Variants in CDH18 observed in about 807,000 individuals in gnomAD.
CDH18 encodes cadherin 18.
In CDH18, 31 loss-of-function variants were observed where a neutral mutation model predicts 67.9. That is an observed-to-expected ratio of 0.46 (90% confidence interval 0.34 to 0.62). CDH18 has a LOEUF of 0.62. Ranked by LOEUF, CDH18 falls within the 20% of genes least tolerant of loss-of-function variation. The probability of loss-of-function intolerance (pLI) is 0.01; values close to 1 mark genes in which losing one functional copy is unlikely to be tolerated. For missense variants in CDH18, 890 were observed against 975.5 expected (o/e 0.91, Z 1.17); for synonymous variants, 362 against 347.2 (o/e 1.04, Z -0.48).
chr5:20,201,800 C>A (rs1449715005), intron 2 of CDH18, among the ~76,000 whole-genome samples: 1 of 152,004 alleles, frequency 6.6e-6, no homozygotes, highest in East Asian at 1.9e-4. Flanking sequence ...AAGCACATTC[C>A]ATAGAAGAGA....
intron 1 of CDH18, among the ~76,000 whole-genome samples, chr5:20,407,356 T>A (rs1285899060): frequency 1.3e-5 from 2 of 151,994 alleles, no homozygotes; most frequent in African/African-American, 4.8e-5. Flanking sequence ...AAAAAGACAG[T>A]GGTTTAGGGT....
At chr5:19,910,440 T>C (rs934415184) in intron 2 of CDH18, among the ~76,000 whole-genome samples, 7 of 152,174 alleles carry the variant, frequency 4.6e-5, no homozygotes, top group African/African-American at 1.7e-4. Flanking sequence ...ATTTAGCTGC[T>C]TTTCCTATTT....
chr5:19,593,712 T>TTCTTCC (rs1561425979), intron 6 of CDH18, among the ~76,000 whole-genome samples: 1 of 104,968 alleles, frequency 9.5e-6, no homozygotes, highest in African/African-American at 4.6e-5. Flanking sequence ...CTCCTCCTTC[T>TTCTTCC]TCTTCTTCTT....
intron 1 of CDH18, among the ~76,000 whole-genome samples, chr5:20,437,334 C>T (rs1749247736): frequency 6.6e-6 from 1 of 151,092 alleles, no homozygotes; most frequent in South Asian, 2.1e-4. Context: ...AAAATAGACT[C>T]TTGCTTTAAA....
At chr5:19,571,555 C>T in intron 8 of CDH18, 24 bp downstream of exon 8, 1 of 1,598,942 alleles carries the variant, frequency 6.3e-7, no homozygotes, top group Non-Finnish European at 8.5e-7. Context: ...CTTTCTATGT[C>T]TAAACGATTG....
At chr5:19,605,407 G>A (rs1747871339) in intron 6 of CDH18, among the ~76,000 whole-genome samples, 1 of 151,636 alleles carries the variant, frequency 6.6e-6, no homozygotes, top group Admixed American at 6.6e-5. Context: ...AAGGCTAAAT[G>A]AAAATAAAAT....
At chr5:19,667,205 C>T (rs1253071524) in intron 5 of CDH18, among the ~76,000 whole-genome samples, 2 of 151,460 alleles carry the variant, frequency 1.3e-5, no homozygotes, top group Admixed American at 6.6e-5. Context: ...AAAATAAATA[C>T]TATGATGTAT....
chr5:20,386,732 C>T (rs1043972405), intron 1 of CDH18, among the ~76,000 whole-genome samples: 1 of 152,056 alleles, frequency 6.6e-6, no homozygotes, highest in African/African-American at 2.4e-5. Context: ...ACAATATTAG[C>T]TGAAAACTCA....
intron 5 of CDH18, among the ~76,000 whole-genome samples, chr5:19,705,294 C>A (rs1043377908): frequency 6.6e-6 from 1 of 152,074 alleles, no homozygotes; most frequent in Non-Finnish European, 1.5e-5. Flanking sequence ...TACTTGGGGA[C>A]CTTAGCAAAT....
intron 1 of CDH18, among the ~76,000 whole-genome samples, chr5:20,493,959 A>C (rs973726268): frequency 1.3e-5 from 2 of 151,592 alleles, no homozygotes; most frequent in East Asian, 3.9e-4. Context: ...CAAAAAAAAA[A>C]CCAGCCTTGT....
At chr5:20,458,478 C>T (rs532529875) in intron 1 of CDH18, among the ~76,000 whole-genome samples, 31 of 152,026 alleles carry the variant, frequency 2.0e-4, no homozygotes, top group African/African-American at 7.2e-4. Flanking sequence ...ATTAGCTGGG[C>T]GCGGTGGCAC....
At chr5:20,008,409 T>C (rs1737112853) in intron 2 of CDH18, among the ~76,000 whole-genome samples, 1 of 152,132 alleles carries the variant, frequency 6.6e-6, no homozygotes, top group South Asian at 2.1e-4. Flanking sequence ...AACAAATCTA[T>C]AAATGTGGAG....
chr5:19,553,941 C>T (rs1350497873), intron 8 of CDH18, among the ~76,000 whole-genome samples: 1 of 152,072 alleles, frequency 6.6e-6, no homozygotes, highest in East Asian at 1.9e-4. Context: ...ACCCTGGACT[C>T]ACCTTTAGCT....
chr5:20,533,461 G>A (rs1756536002), intron 1 of CDH18, among the ~76,000 whole-genome samples: 1 of 152,008 alleles, frequency 6.6e-6, no homozygotes, highest in Admixed American at 6.6e-5. Flanking sequence ...ATTAGTTTTT[G>A]ACTCAAAAAG....
chr5:20,111,494 A>G (rs1216505557), intron 2 of CDH18, among the ~76,000 whole-genome samples: 1 of 150,744 alleles, frequency 6.6e-6, no homozygotes, highest in Non-Finnish European at 1.5e-5. Context: ...AAGTAATATA[A>G]AATCTTCCTT....
At chr5:19,540,110 T>TTAAG (rs3036705) in intron 9 of CDH18, among the ~76,000 whole-genome samples, 30,401 of 151,774 alleles carry the variant, frequency 0.2, 6,430 homozygotes, top group African/African-American at 0.54. Context: ...GGTCTAGGAA[T>TTAAG]TAAGTAAATA....
chr5:20,422,251 GT>G (rs1446626948), intron 1 of CDH18, among the ~76,000 whole-genome samples: 2 of 150,980 alleles, frequency 1.3e-5, no homozygotes, highest in Admixed American at 1.3e-4. Context: ...AGGAACATGG[GT>G]TATCATGTCT....
intron 2 of CDH18, among the ~76,000 whole-genome samples, chr5:20,133,360 C>T (rs944545914): frequency 7.2e-5 from 11 of 151,942 alleles, no homozygotes; most frequent in African/African-American, 2.7e-4. Context: ...GATGAACTGC[C>T]CTTTATGAAA....
At chr5:20,176,502 T>C (rs1019618011) in intron 2 of CDH18, among the ~76,000 whole-genome samples, 1 of 152,182 alleles carries the variant, frequency 6.6e-6, no homozygotes, top group Non-Finnish European at 1.5e-5. Flanking sequence ...TTATAACCTT[T>C]GTAGCCTTTT....
Sources: gnomAD v4.1 joint callset for allele counts (sites outside exome capture counted in the v4.1 genomes callset) on GRCh38, gnomAD v4.1.1 for gene constraint, MANE v1.5 for transcripts, NCBI Gene and HGNC (gene_info 2026-07-23, HGNC 2026-07-21) for gene names.